The following DHPS variants were observed in gnomAD, a reference collection of about 807,000 sequenced individuals.
DHPS encodes the protein deoxyhypusine synthase, also known as migration-inducing gene 13.
In DHPS, 24 loss-of-function variants were observed where a neutral mutation model predicts 38.7. The observed-to-expected ratio is 0.62, with a 90% CI of 0.45 to 0.87. The LOEUF (loss-of-function observed/expected upper bound fraction) is 0.87, where lower values mean the gene tolerates loss of function less well. Ranked by LOEUF, DHPS falls within the 40% of genes least tolerant of loss-of-function variation. DHPS has a pLI of 0.00. For missense variants in DHPS, 510 were observed against 497.6 expected, an observed-to-expected ratio of 1.02 and a Z score of -0.24; for synonymous variants, 250 against 204.4, an observed-to-expected ratio of 1.22 and a Z score of -1.90.
chr19:12,681,223 C>T (rs974178232), intron 1 of DHPS: 1 of 1,244,352 alleles, frequency 8.0e-7, no homozygotes, highest in African/African-American at 1.6e-5. Context: ...AAGAACCGCC[C>T]AGACTTAGGC....
downstream of DHPS, chr19:12,673,047 G>A (rs375417454): frequency 3.7e-6 from 6 of 1,613,724 alleles, no homozygotes; most frequent in Non-Finnish European, 5.1e-6. Flanking sequence ...GATGGGCAGT[G>A]CACCCTGGTG....
Position 12,677,182 on chromosome 19 carries a change from AG to A in DHPS, c.813del (p.Phe272LeufsTer7), listed in dbSNP as rs760044789. 2 of 1,614,120 alleles carry A rather than the reference AG, an allele frequency of 1.2e-6. No individual in the cohort carries two copies. The highest frequency in any genetic ancestry group is 4.5e-5 in the East Asian group (2 of 44,892). On this transcript the variant is annotated frameshift_variant, in exon 7 of 9. Coordinates refer to ENST00000210060, the MANE Select transcript of DHPS (RefSeq NM_001930.4). LOFTEE classifies it high-confidence loss of function. ...EDLRLINTQAIFAKCTGMIIL... is the reference protein window; with the variant it reads ...EDLRLINTQAXFAKCTGMIIL... ...ATGATCATCCCAGTGCACTTGGCAAAGATGGCCTGTGTGTTGATGAGCCTCA... is the reference window on the plus strand; with the variant it reads ...ATGATCATCCCAGTGCACTTGGCAAAATGGCCTGTGTGTTGATGAGCCTCA...
chr19:12,674,226 G>A (rs767182717), downstream of DHPS, among the ~76,000 whole-genome samples: 18 of 152,210 alleles, frequency 1.2e-4, no homozygotes, highest in Non-Finnish European at 1.6e-4. Context: ...GGGTGAGATA[G>A]GGCTGCAGTC....
chr19:12,676,085 C>G lies in DHPS; in HGVS notation c.946G>C (p.Asp316His). Residue 316 changes from aspartate to histidine, a missense_variant, in exon 8 of 9, where the codon GAC (aspartate) becomes CAC (histidine). Physicochemically the swap from Asp to His is moderately conservative, Grantham distance 81 (BLOSUM62 -1). Coordinates refer to ENST00000210060, the MANE Select transcript of DHPS (RefSeq NM_001930.4). Reference protein sequence around the residue: ...INTAQEFDGSDSGARPDEAVS... With the variant: ...INTAQEFDGSHSGARPDEAVS... ...GCCTCGTCTGGTCGGGCACCTGAGT[C>G]AGAGCCATCAAACTCCTGGGCTGTG... 1.2e-6 allele frequency: 2 copies of G among 1,613,992 alleles called. No individual in the cohort carries two copies. Among genetic ancestry groups the G allele is most frequent in the Non-Finnish European group, 1.7e-6 (2 of 1,179,964 alleles).
At chr19:12,681,188 C>T (rs373626043) in intron 1 of DHPS, 4 of 1,235,072 alleles carry the variant, frequency 3.2e-6, no homozygotes, top group South Asian at 1.4e-5. Flanking sequence ...GTCCCTTCCC[C>T]GCTGGGAAAA....
chr19:12,681,194 GAAAA>G, intron 1 of DHPS: 1 of 1,227,970 alleles, frequency 8.1e-7, no homozygotes, highest in Admixed American at 3.7e-5. Context: ...TCCCCGCTGG[GAAAA>G]GCAAATCTAA....
At chr19:12,673,155 T>C (rs2145322339), downstream of DHPS, 2 of 1,611,536 alleles carry the variant, frequency 1.2e-6, no homozygotes, top group Non-Finnish European at 1.7e-6. Flanking sequence ...TTCCCTCCTC[T>C]CCCACCCCTG....
chr19:12,677,562 C>G (rs2024652131), intron 5 of DHPS, among the ~76,000 whole-genome samples, 166 bp from the exon 6 acceptor site: 1 of 152,102 alleles, frequency 6.6e-6, no homozygotes, highest in South Asian at 2.1e-4. Flanking sequence ...ATGAGAAAAC[C>G]CACAGAAAAC....
intron 5 of DHPS, among the ~76,000 whole-genome samples, chr19:12,678,165 G>A (rs913835511): frequency 1.3e-5 from 2 of 151,830 alleles, no homozygotes. Flanking sequence ...TGCTGAGGCA[G>A]GAGAATTGCT....
downstream of DHPS, chr19:12,673,079 C>A (rs370365287): frequency 2.5e-6 from 4 of 1,613,464 alleles, no homozygotes; most frequent in South Asian, 4.4e-5. Flanking sequence ...CTCCACATTG[C>A]GGCTCCTGGA....
downstream of DHPS, chr19:12,675,408 C>T (rs148556794): frequency 8.8e-5 from 126 of 1,433,846 alleles, no homozygotes; most frequent in African/African-American, 1.1e-3. Flanking sequence ...GGCTGAAGGT[C>T]GGGGAGAGGT....
downstream of DHPS, chr19:12,673,410 CTTTTTTTTTTTTT>C (rs58676851): frequency 9.3e-5 from 23 of 248,018 alleles, no homozygotes; most frequent in African/African-American, 3.5e-4. Context: ...AGGCTAGGAT[CTTTTTTTTTTTTT>C]TTTTTTTTTT....
Position 12,681,543 on chromosome 19 carries a change from T to C in DHPS, c.207+17A>G. ...CCACGCCCCTCCGCGTCCCTAGAAA[T>C]TCCGCCCGGTCCTCACCATGGCATT... On this transcript the variant is annotated intron_variant, in intron 1 of 8. Transcript: ENST00000210060. 6.2e-7 allele frequency: 1 copy of C among 1,614,012 alleles called. No homozygotes were observed. Among genetic ancestry groups the C allele is most frequent in the Non-Finnish European group, 8.5e-7 (1 of 1,179,908 alleles).
At chr19:12,676,947 CCT>C (rs1355675263) in intron 7 of DHPS, 159 bp downstream of exon 7, 39 of 654,168 alleles carry the variant, frequency 6.0e-5, no homozygotes, top group Admixed American at 9.3e-5. Context: ...ATGACTGCCC[CCT>C]GACGTGGATG....
At chr19:12,675,529 C>T, downstream of DHPS, 1 of 1,604,656 alleles carries the variant, frequency 6.2e-7, no homozygotes, top group South Asian at 1.1e-5. Context: ...ACAGGGTGCG[C>T]TGGCTCTGGC....
Position 12,676,054 on chromosome 19 carries a change from G to A in DHPS, c.977C>T (p.Ser326Phe). The change falls in exon 8 of 9, where the codon TCC (serine) becomes TTC (phenylalanine). Residue 326 changes from serine (S) to phenylalanine (F), a missense_variant. By Grantham distance (155) the Ser-to-Phe change is radical. Coordinates refer to ENST00000210060, the MANE Select transcript of DHPS (RefSeq NM_001930.4). Reference sequence around the variant, plus strand: ...TGCATCCACCCGGATCTTGCCCCAGGAGACAGCCTCGTCTGGTCGGGCACC... The same window carrying A: ...TGCATCCACCCGGATCTTGCCCCAGAAGACAGCCTCGTCTGGTCGGGCACC... Reference protein sequence around the residue: ...DSGARPDEAVSWGKIRVDAQP... With the variant: ...DSGARPDEAVFWGKIRVDAQP... The A allele has an allele frequency of 6.2e-7, 1 of 1,614,106 alleles. No individual in the cohort carries two copies. Among genetic ancestry groups the A allele is most frequent in the Non-Finnish European group, 8.5e-7 (1 of 1,180,004 alleles).
intron 7 of DHPS, 64 bp from the exon 8 acceptor site, chr19:12,676,206 G>A (rs2024582166): frequency 2.6e-6 from 4 of 1,525,678 alleles, no homozygotes; most frequent in Admixed American, 3.9e-5. Flanking sequence ...CACAGAGGGA[G>A]GACACCGTAG....
intron 1 of DHPS, 127 bp from the exon 2 acceptor site, chr19:12,680,452 G>C: frequency 1.1e-6 from 1 of 926,046 alleles, no homozygotes; most frequent in Non-Finnish European, 1.7e-6. Context: ...CAGTTCTACA[G>C]GGGACCAAGG....
At chr19:12,681,427 C>A in intron 1 of DHPS, 133 bp downstream of exon 1, 1 of 1,178,848 alleles carries the variant, frequency 8.5e-7, no homozygotes, top group African/African-American at 1.5e-5. Context: ...ATAGGTCCCG[C>A]CTTCCTCCAA....
Sources: allele counts gnomAD v4.1 joint callset (sites outside exome capture counted in the v4.1 genomes callset), GRCh38; gene constraint gnomAD v4.1.1; transcripts MANE v1.5; gene names NCBI Gene and HGNC (gene_info 2026-07-23, HGNC 2026-07-21).